USP34: variants seen among roughly 807,000 people sequenced by gnomAD.
USP34 encodes the protein ubiquitin specific peptidase 34, also known as ubiquitin carboxyl-terminal hydrolase 34.
USP34 carries 70 observed loss-of-function variants against 460.3 expected under a neutral mutation model. That is an observed-to-expected ratio of 0.15 (90% confidence interval 0.13 to 0.19). The LOEUF (loss-of-function observed/expected upper bound fraction) is 0.19. Ranked by LOEUF, USP34 falls within the 10% of genes least tolerant of loss-of-function variation. The pLI, the probability that USP34 is intolerant of heterozygous loss-of-function variation, is 1.00. For missense variants in USP34, 3,985 were observed against 4,236.2 expected, an observed-to-expected ratio of 0.94 and a Z score of 1.65; for synonymous variants, 1,647 against 1,405.3, an observed-to-expected ratio of 1.17 and a Z score of -3.85.
At chr2:61,366,552 T>C (rs1034982865) in intron 10 of USP34, among the ~76,000 whole-genome samples, 1 of 152,216 alleles carries the variant, frequency 6.6e-6, no homozygotes, top group Admixed American at 6.5e-5. Context: ...CAGATACTGG[T>C]ACCACTGTAC....
chr2:61,459,405 T>C (rs181338203), intron 1 of USP34, among the ~76,000 whole-genome samples: 1 of 152,204 alleles, frequency 6.6e-6, no homozygotes, highest in African/African-American at 2.4e-5. Flanking sequence ...ATCATCACTG[T>C]GTTAAATATA....
chr2:61,393,876 G>A (rs760678523), intron 5 of USP34, among the ~76,000 whole-genome samples: 10 of 152,072 alleles, frequency 6.6e-5, no homozygotes, highest in Non-Finnish European at 1.2e-4. Context: ...AGTCGCTCAC[G>A]CCTGTAATCT....
chr2:61,345,524 G>T (rs557475780), intron 15 of USP34, among the ~76,000 whole-genome samples: 2 of 152,162 alleles, frequency 1.3e-5, no homozygotes, highest in Non-Finnish European at 2.9e-5. Flanking sequence ...AGTATCACTC[G>T]TAACGACAAT....
intron 76 of USP34, chr2:61,191,436 C>G (rs909422962): frequency 3.3e-5 from 5 of 151,686 alleles, no homozygotes; most frequent in Admixed American, 6.6e-5. Flanking sequence ...TTAAAGTATG[C>G]AGCTGTCATA....
At chr2:61,256,276 T>C (rs750372865) in intron 48 of USP34, 108 bp downstream of exon 48, 6 of 1,004,870 alleles carry the variant, frequency 6.0e-6, no homozygotes, top group Non-Finnish European at 9.0e-6. Context: ...ATGCAGCTGA[T>C]TTTACCTTCA....
At chr2:61,294,497 C>A (rs112834063) in intron 32 of USP34, among the ~76,000 whole-genome samples, 26,705 of 151,980 alleles carry the variant, frequency 0.18, 3,166 homozygotes, top group African/African-American at 0.33. Context: ...CAGCTCACTG[C>A]AACCTCCACC....
At chr2:61,251,876 G>C (rs1688592536) in intron 48 of USP34, among the ~76,000 whole-genome samples, 1 of 151,738 alleles carries the variant, frequency 6.6e-6, no homozygotes, top group African/African-American at 2.4e-5. Flanking sequence ...TAGAAAGGCC[G>C]CCCCCTTGAT....
chr2:61,202,883 T>G (rs1015291751), intron 75 of USP34, among the ~76,000 whole-genome samples: 17 of 152,142 alleles, frequency 1.1e-4, no homozygotes, highest in African/African-American at 1.4e-4. Flanking sequence ...GATGTGGGCT[T>G]CTATGTACAG....
At chr2:61,259,491 G>A (rs554035868) in intron 44 of USP34, among the ~76,000 whole-genome samples, 4 of 151,416 alleles carry the variant, frequency 2.6e-5, no homozygotes, top group East Asian at 2.0e-4. Flanking sequence ...GGGCTCAAGC[G>A]AGCCTCCCTT....
chr2:61,264,991 T>G (rs898449582), intron 43 of USP34, among the ~76,000 whole-genome samples: 4 of 152,202 alleles, frequency 2.6e-5, no homozygotes, highest in Admixed American at 6.5e-5. Flanking sequence ...GGGATAAATA[T>G]AAAAGAAACA....
chr2:61,204,344 A>T lies in USP34; in HGVS notation c.9296T>A (p.Ile3099Asn), dbSNP rs374340072. 1.2e-6 allele frequency: 2 copies of T among 1,614,088 alleles called. No homozygotes were observed. Among genetic ancestry groups the T allele is most frequent in the Non-Finnish European group, 8.5e-7 (1 of 1,180,048 alleles). Reference sequence around the variant, plus strand: ...ATTGCTTTTCCCTCCTATTAGCTTGATATTTTCTCGACAAGGGAAATAAGG... The same window carrying T: ...ATTGCTTTTCCCTCCTATTAGCTTGTTATTTTCTCGACAAGGGAAATAAGG... ...LGPYFPCRENIKLIGGKSNIR... is the reference protein window; with the variant it reads ...LGPYFPCRENNKLIGGKSNIR... Residue 3099 changes from isoleucine (I) to asparagine (N), a missense_variant, in exon 74 of 80, where the codon ATC (isoleucine) becomes AAC (asparagine). Around this residue, in one of 14 missense-constraint regions of USP34, gnomAD observed 275 missense variants for 292.7 expected, o/e 0.94. Coordinates refer to ENST00000398571, the MANE Select transcript of USP34 (RefSeq NM_014709.4).
At chr2:61,408,910 A>C (rs889441881) in intron 2 of USP34, among the ~76,000 whole-genome samples, 1 of 151,794 alleles carries the variant, frequency 6.6e-6, no homozygotes, top group Non-Finnish European at 1.5e-5. Context: ...AAACAAACAA[A>C]AACAAAGTGA....
rs375952464 is a variant in USP34 at position 61,188,419 on chromosome 2, C to G, written c.10324G>C (p.Gly3442Arg). ...SQHAEEQSNN[G>R]RYDDCKEFKD... ...AATTCTTTACAATCGTCATATCTAC[C>G]ATTGTTGGACTGTTCTTCTGCATGC... The change falls in exon 80 of 80, where the codon GGT (glycine) becomes CGT (arginine). Residue 3442 changes from glycine to arginine, a missense_variant. Around this residue, in one of 14 missense-constraint regions of USP34, gnomAD observed 506 missense variants for 439.0 expected, o/e 1.15. Transcript: ENST00000398571. 6.2e-7 allele frequency: 1 copy of G among 1,614,054 alleles called. No homozygotes were observed. Among genetic ancestry groups the G allele is most frequent in the African/African-American group, 1.3e-5 (1 of 74,922 alleles).
In USP34 at chr2:61,203,174, G is replaced by C. The variant is rs1687024855; in HGVS notation, c.9474C>G (p.Asn3158Lys). The C allele has an allele frequency of 1.3e-6, 2 of 1,598,704 alleles. No individual in the cohort carries two copies. The highest frequency in any genetic ancestry group is 1.7e-6 in the Non-Finnish European group (2 of 1,172,594). ...CTAATGTTTCAGTAAATTTTTCACA[G>C]TTGATTGCAACTCGGCATAATAGAT... ...FIHLLCRVAINCEKFTETLVK... is the reference protein window; with the variant it reads ...FIHLLCRVAIKCEKFTETLVK... The change falls in exon 75 of 80, where the codon AAC (asparagine) becomes AAG (lysine). Residue 3158 changes from asparagine to lysine, a missense_variant. Around this residue, in one of 14 missense-constraint regions of USP34, gnomAD observed 28 missense variants for 36.8 expected, o/e 0.76. Transcript: ENST00000398571.
At chr2:61,272,968 A>G (rs1289984862) in intron 41 of USP34, among the ~76,000 whole-genome samples, 1 of 152,204 alleles carries the variant, frequency 6.6e-6, no homozygotes, top group African/African-American at 2.4e-5. Context: ...ATGAAGAACC[A>G]AAGAACACTA....
Position 61,188,665 on chromosome 2 carries a change from C to A in USP34, c.10078G>T (p.Asp3360Tyr). The A allele has an allele frequency of 6.2e-7, 1 of 1,614,102 alleles. No homozygotes were observed. The highest frequency in any genetic ancestry group is 8.5e-7 in the Non-Finnish European group (1 of 1,180,022). Residue 3360 changes from aspartate to tyrosine, a missense_variant, in exon 80 of 80, where the codon GAT becomes TAT. Asp to Tyr is a radical substitution (Grantham distance 160). Transcript: ENST00000398571. ...CAGCTGTCTACAGTGTGCTCCTCAT[C>A]ACTGCTAACACGCCGCCTTTTAATG... Reference protein sequence around the residue: ...TPIKRRRVSSDEEHTVDSCIS... With the variant: ...TPIKRRRVSSYEEHTVDSCIS...
chr2:61,377,270 A>T (rs1234661337), intron 8 of USP34, among the ~76,000 whole-genome samples: 1 of 152,188 alleles, frequency 6.6e-6, no homozygotes, highest in Non-Finnish European at 1.5e-5. Context: ...TAGTAACATC[A>T]AGTTACACTA....
chr2:61,377,493 C>T (rs1199453006), intron 8 of USP34, among the ~76,000 whole-genome samples: 4 of 151,790 alleles, frequency 2.6e-5, no homozygotes, highest in Non-Finnish European at 4.4e-5. Context: ...GGAAATGGGG[C>T]CTTTGGGAGA....
At chr2:61,379,340 A>G (rs778146) in intron 7 of USP34, among the ~76,000 whole-genome samples, 78,384 of 151,940 alleles carry the variant, frequency 0.52, 20,531 homozygotes, top group South Asian at 0.73. Flanking sequence ...CCAACACGGT[A>G]AAAACCCATC....
Sources: gnomAD v4.1 joint callset for allele counts (sites outside exome capture counted in the v4.1 genomes callset) on GRCh38, gnomAD v4.1.1 for gene constraint, gnomAD v4.1.1 regional missense constraint, MANE v1.5 for transcripts, NCBI Gene and HGNC (gene_info 2026-07-23, HGNC 2026-07-21) for gene names.